Variants in CLEC3B observed in about 807,000 individuals in gnomAD.
The protein encoded by CLEC3B is C-type lectin domain family 3 member B.
CLEC3B carries 13 observed loss-of-function variants against 15.4 expected under a neutral mutation model. That is an observed-to-expected ratio of 0.84 (90% confidence interval 0.55 to 1.34). The LOEUF (loss-of-function observed/expected upper bound fraction) is 1.34. Ranked by LOEUF, CLEC3B falls within the 40% of genes most tolerant of loss-of-function variation. CLEC3B has a pLI of 0.00. For synonymous variants in CLEC3B, 112 were observed against 114.7 expected (o/e 0.98, Z 0.15); for missense variants, 242 against 268.6 (o/e 0.90, Z 0.69).
intron 2 of CLEC3B, 135 bp downstream of exon 2, chr3:45,031,060 A>C: frequency 3.3e-6 from 2 of 612,950 alleles, no homozygotes; most frequent in South Asian, 2.1e-5. Flanking sequence ...GGGTGAAGGC[A>C]CCAGGTTCAG....
chr3:45,032,894 A>T (rs1235195238), intron 2 of CLEC3B, among the ~76,000 whole-genome samples: 7 of 152,242 alleles, frequency 4.6e-5, no homozygotes, highest in African/African-American at 1.7e-4. Context: ...ATTCAAGGCA[A>T]GAAGGAGGAA....
At chr3:45,034,953 G>T (rs1697616529) in intron 2 of CLEC3B, among the ~76,000 whole-genome samples, 1 of 152,226 alleles carries the variant, frequency 6.6e-6, no homozygotes, top group Admixed American at 6.5e-5. Flanking sequence ...CTGTAGGTGG[G>T]CAGGTGCCCT....
rs1212492649 is a variant in CLEC3B at position 45,026,343 on chromosome 3, GC to G, written c.-15del. The G allele has an allele frequency of 1.2e-6, 2 of 1,606,620 alleles. No homozygotes were observed. The highest frequency in any genetic ancestry group is 1.7e-6 in the Non-Finnish European group (2 of 1,174,874). On this transcript the variant is annotated 5_prime_UTR_variant, in exon 1 of 3. Transcript: ENST00000296130. ...CCCAGACCCGCTGCAGGCAGCAGCA[GC>G]CCCCGCCCGCGCAGCAGCATGGAGC...
intron 1 of CLEC3B, chr3:45,030,137 G>T (rs907847139): frequency 1.0e-6 from 1 of 984,992 alleles, no homozygotes; most frequent in African/African-American, 1.7e-5. Context: ...GAACGGCTTA[G>T]CCCAGAGCCT....
At chr3:45,034,280 T>G (rs146525648) in intron 2 of CLEC3B, among the ~76,000 whole-genome samples, 1 of 152,270 alleles carries the variant, frequency 6.6e-6, no homozygotes, top group Non-Finnish European at 1.5e-5. Flanking sequence ...TAGCACGAGG[T>G]AGGACAGCTG....
chr3:45,028,699 G>C (rs1439430270), intron 1 of CLEC3B, among the ~76,000 whole-genome samples: 3 of 152,174 alleles, frequency 2.0e-5, no homozygotes, highest in Admixed American at 2.0e-4. Flanking sequence ...GAGCAGCCAG[G>C]AATGAGAATC....
chr3:45,035,956 G>A lies in CLEC3B; in HGVS notation c.*32G>A, dbSNP rs765657094. The A allele has an allele frequency of 6.5e-7, 1 of 1,539,084 alleles. No homozygotes were observed. Among genetic ancestry groups the A allele is most frequent in the Admixed American group, 1.8e-5 (1 of 54,656 alleles). On this transcript the variant is annotated 3_prime_UTR_variant, in exon 3 of 3. Coordinates refer to ENST00000296130, the MANE Select transcript of CLEC3B (RefSeq NM_003278.3). The stretch of plus-strand genomic sequence containing the variant: ...GGGCGGGGGCCGTGGGGGGCCTGGA[G>A]GAGGGCAGGGGCCGCGGGAGGCCGG...
chr3:45,035,395 C>T (rs1219125825), intron 2 of CLEC3B, 129 bp from the exon 3 acceptor site: 13 of 1,293,980 alleles, frequency 1.0e-5, no homozygotes, highest in African/African-American at 3.0e-5. Context: ...TTGCCTGGGT[C>T]TAAGGGGCTG....
At chr3:45,035,281 C>T (rs180838717) in intron 2 of CLEC3B, among the ~76,000 whole-genome samples, 178 of 152,302 alleles carry the variant, frequency 1.2e-3, no homozygotes, top group Non-Finnish European at 2.3e-3. Flanking sequence ...TGCCTTTTCT[C>T]CCAGCCGCGG....
intron 2 of CLEC3B, among the ~76,000 whole-genome samples, chr3:45,032,942 G>A (rs769134949): frequency 1.2e-4 from 18 of 152,176 alleles, no homozygotes; most frequent in Non-Finnish European, 2.1e-4. Flanking sequence ...TATAGGGAAC[G>A]TAGTCTTCCA....
chr3:45,035,512 C>T lies in CLEC3B; in HGVS notation c.209-12C>T. On this transcript the variant is annotated splice_polypyrimidine_tract_variant and intron_variant, in intron 2 of 2. Coordinates refer to ENST00000296130, the MANE Select transcript of CLEC3B (RefSeq NM_003278.3). The stretch of plus-strand genomic sequence containing the variant: ...GGGACCTTCGGTGACAGCCATTTCT[C>T]CCCACTCCCAGTCTGCCTGAAGGGG... 2 of 1,576,622 alleles carry T rather than the reference C, an allele frequency of 1.3e-6. No individual in the cohort carries two copies. Among genetic ancestry groups the T allele is most frequent in the Non-Finnish European group, 1.7e-6 (2 of 1,157,080 alleles).
chr3:45,032,916 C>T (rs1275057879), intron 2 of CLEC3B, among the ~76,000 whole-genome samples: 2 of 152,214 alleles, frequency 1.3e-5, no homozygotes, highest in Admixed American at 6.5e-5. Flanking sequence ...AGTAGCCCAA[C>T]CACATCTGTC....
chr3:45,029,646 CTT>C (rs1697528101), intron 1 of CLEC3B, among the ~76,000 whole-genome samples: 1 of 152,188 alleles, frequency 6.6e-6, no homozygotes, highest in Non-Finnish European at 1.5e-5. Context: ...TGATCTCACT[CTT>C]TGTGAGTGTG....
chr3:45,030,024 T>G, intron 1 of CLEC3B: 1 of 351,766 alleles, frequency 2.8e-6, no homozygotes, highest in Non-Finnish European at 4.0e-6. Context: ...GCCAGTTGGT[T>G]TAGGGCAGCC....
intron 2 of CLEC3B, among the ~76,000 whole-genome samples, chr3:45,035,116 G>A (rs945416757): frequency 2.4e-4 from 37 of 152,242 alleles, no homozygotes; most frequent in Non-Finnish European, 3.8e-4. Flanking sequence ...GCGGGGGGAA[G>A]AGGAAGTGGG....
chr3:45,026,419 C>T lies in CLEC3B; in HGVS notation c.57C>T (p.Val19=), dbSNP rs1697485827. The T allele has an allele frequency of 6.2e-7, 1 of 1,614,116 alleles. No homozygotes were observed. The highest frequency in any genetic ancestry group is 8.5e-7 in the Non-Finnish European group (1 of 1,180,018). ...LLCLFSLLTQ[V]TTEPPTQKPK... ...GCCTCTTCTCCCTCCTGACCCAGGTCACCACCGAGCCACCAACCCAGAAGC... is the reference window on the plus strand; with the variant it reads ...GCCTCTTCTCCCTCCTGACCCAGGTTACCACCGAGCCACCAACCCAGAAGC... The change falls in exon 1 of 3, where the codon GTC becomes GTT. Residue 19 remains valine (V), a synonymous_variant. Transcript: ENST00000296130.
At chr3:45,034,765 A>G (rs1486794459) in intron 2 of CLEC3B, among the ~76,000 whole-genome samples, 1 of 152,192 alleles carries the variant, frequency 6.6e-6, no homozygotes, top group Non-Finnish European at 1.5e-5. Context: ...CTCTGACCAC[A>G]GCCTGTGCCC....
chr3:45,032,192 C>A (rs973767439), intron 2 of CLEC3B, among the ~76,000 whole-genome samples: 1 of 152,176 alleles, frequency 6.6e-6, no homozygotes, highest in African/African-American at 2.4e-5. Context: ...ATCTGCAAGG[C>A]CTTCCCTTCC....
intron 2 of CLEC3B, 98 bp from the exon 3 acceptor site, chr3:45,035,426 G>A: frequency 6.8e-7 from 1 of 1,477,790 alleles, no homozygotes; most frequent in Non-Finnish European, 9.0e-7. Flanking sequence ...TGGGATAAAC[G>A]GGATGGGATG....
Sources: allele counts gnomAD v4.1 joint callset (sites outside exome capture counted in the v4.1 genomes callset), GRCh38; gene constraint gnomAD v4.1.1; transcripts MANE v1.5; gene names NCBI Gene and HGNC (gene_info 2026-07-23, HGNC 2026-07-21).